ANKRD6: variants seen among roughly 807,000 people sequenced by gnomAD.
The protein encoded by ANKRD6 is ankyrin repeat domain-containing protein 6.
Under a neutral mutation model 82.3 loss-of-function variants are expected in ANKRD6, and 56 were observed. The ratio of observed to expected loss-of-function variants is 0.68; its 90% CI spans 0.55 to 0.85. The LOEUF (loss-of-function observed/expected upper bound fraction) is 0.85. Among genes scored for constraint, ANKRD6 ranks in the 40% least tolerant of loss-of-function variants. The pLI is 0.00. For synonymous variants in ANKRD6, 347 were observed against 352.1 expected, an observed-to-expected ratio of 0.99 and a Z score of 0.16; for missense variants, 852 against 907.6, an observed-to-expected ratio of 0.94 and a Z score of 0.79.
chr6:89,613,408 T>C (rs1800730382), intron 6 of ANKRD6, among the ~76,000 whole-genome samples: 1 of 152,158 alleles, frequency 6.6e-6, no homozygotes, highest in Non-Finnish European at 1.5e-5. Context: ...AAAGCAATGC[T>C]GTTGGTCTTA....
intron 1 of ANKRD6, among the ~76,000 whole-genome samples, chr6:89,512,270 G>A (rs549107101): frequency 3.9e-5 from 6 of 152,318 alleles, no homozygotes; most frequent in Non-Finnish European, 8.8e-5. Context: ...TAAACTTACA[G>A]CAACAGTCTT....
At chr6:89,576,892 C>T (rs949870681) in intron 2 of ANKRD6, among the ~76,000 whole-genome samples, 20 of 152,156 alleles carry the variant, frequency 1.3e-4, no homozygotes, top group African/African-American at 4.8e-4. Context: ...CGCCCTGTCT[C>T]CTGATCCCCA....
intron 1 of ANKRD6, among the ~76,000 whole-genome samples, chr6:89,447,147 G>T (rs1166422134): frequency 6.6e-6 from 1 of 152,080 alleles, no homozygotes; most frequent in African/African-American, 2.4e-5. Context: ...CTAGCTATTC[G>T]GGAAGGCTGA....
intron 3 of ANKRD6, among the ~76,000 whole-genome samples, chr6:89,599,987 G>A (rs561163609): frequency 4.9e-4 from 74 of 152,122 alleles, no homozygotes; most frequent in Non-Finnish European, 8.2e-4. Context: ...CTGGAAACAG[G>A]CAGGACAGCC....
rs936672787 is a variant in ANKRD6 at position 89,454,776 on chromosome 6, C to T, written c.-144+21401C>T. Among the ~76,000 whole-genome samples the T allele has an allele frequency of 5.9e-5, 9 of 152,080 alleles. No individual in the cohort carries two copies. The South Asian group carries it at 6.2e-4, about 11-fold the overall frequency. Reference sequence around the variant, plus strand: ...TCCCTGTATTTTTTTTATAGTTCTACGAACCAAATGTACATTTTTAGATAA... The same window carrying T: ...TCCCTGTATTTTTTTTATAGTTCTATGAACCAAATGTACATTTTTAGATAA... On this transcript the variant is annotated intron_variant, in intron 1 of 15. Transcript: ENST00000339746.
In ANKRD6 at chr6:89,471,661, C is replaced by A. The variant is rs115186568; in HGVS notation, c.-144+38286C>A. Among the ~76,000 whole-genome samples the A allele has an allele frequency of 4.0e-3, 610 of 151,828 alleles. 4 individuals are homozygous for A. The highest frequency in any genetic ancestry group is 0.014 in the African/African-American group (580 of 41,412). ...TGTGTGTGTTTTACTGAAAGCTGAG[C>A]AAAGTTAAGGAGAAAGGATTCACAT... On this transcript the variant is annotated intron_variant, in intron 1 of 15. Coordinates refer to ENST00000339746, the MANE Select transcript of ANKRD6 (RefSeq NM_001242809.2).
At chr6:89,608,304 TA>T (rs1288256999) in intron 5 of ANKRD6, among the ~76,000 whole-genome samples, 1 of 150,564 alleles carries the variant, frequency 6.6e-6, no homozygotes, top group East Asian at 1.9e-4. Flanking sequence ...AATGGGGTTC[TA>T]GGTGGCAGTA....
chr6:89,523,301 G>A (rs1782090994), intron 1 of ANKRD6, among the ~76,000 whole-genome samples: 1 of 152,174 alleles, frequency 6.6e-6, no homozygotes, highest in Non-Finnish European at 1.5e-5. Context: ...GGCCAGGGAT[G>A]GAGGGCCAGC....
At chr6:89,563,334 C>G (rs1347398381) in intron 1 of ANKRD6, among the ~76,000 whole-genome samples, 2 of 152,144 alleles carry the variant, frequency 1.3e-5, no homozygotes, top group Non-Finnish European at 2.9e-5. Flanking sequence ...CAAGCTAAAT[C>G]CCTATCTAGA....
At chr6:89,573,849 C>T (rs1249873838) in intron 2 of ANKRD6, among the ~76,000 whole-genome samples, 1 of 152,126 alleles carries the variant, frequency 6.6e-6, no homozygotes, top group African/African-American at 2.4e-5. Context: ...CCACTCTGCC[C>T]CTTGAAGGAC....
rs1807443542 is a variant in ANKRD6, at chr6:89,631,715, G to A, written c.*711G>A. 1.3e-5 allele frequency: 2 copies of A among 152,184 alleles called. No homozygotes were observed. Among genetic ancestry groups the A allele is most frequent in the East Asian group, 1.9e-4 (1 of 5,186 alleles). The allele number at this position is 152,184 out of a possible 1,614,324, so 9.4% of individuals were successfully genotyped here. A position where few individuals can be genotyped will look rare whatever the true frequency, so the allele number is the denominator to read the frequency against. Reference sequence around the variant, plus strand: ...TTGTTTGTTATTTTCTGTATTTTCAGTCAAAAAATCAGTTATATAGTGATT... The same window carrying A: ...TTGTTTGTTATTTTCTGTATTTTCAATCAAAAAATCAGTTATATAGTGATT... On this transcript the variant is annotated 3_prime_UTR_variant, in exon 16 of 16. Transcript: ENST00000339746.
chr6:89,512,212 T>C (rs1194885520), intron 1 of ANKRD6, among the ~76,000 whole-genome samples: 3 of 152,204 alleles, frequency 2.0e-5, no homozygotes, highest in Non-Finnish European at 2.9e-5. Flanking sequence ...ATAGATGGTA[T>C]AGAAAAGTAA....
intron 1 of ANKRD6, among the ~76,000 whole-genome samples, chr6:89,470,537 T>C (rs1775320438): frequency 6.6e-6 from 1 of 152,044 alleles, no homozygotes; most frequent in Non-Finnish European, 1.5e-5. Context: ...AAGAGGATTG[T>C]TTGCACCCCA....
At chr6:89,522,926 T>G (rs1782051307) in intron 1 of ANKRD6, among the ~76,000 whole-genome samples, 1 of 152,110 alleles carries the variant, frequency 6.6e-6, no homozygotes, top group African/African-American at 2.4e-5. Context: ...TCAATCCTCC[T>G]GAGACCCAGC....
intron 1 of ANKRD6, among the ~76,000 whole-genome samples, chr6:89,453,588 CT>C (rs1206339386): frequency 7.3e-5 from 11 of 149,850 alleles, no homozygotes; most frequent in African/African-American, 7.3e-5. Context: ...CCAACAATTC[CT>C]TTTTTTTTGA....
intron 2 of ANKRD6, among the ~76,000 whole-genome samples, chr6:89,570,425 A>G (rs905823441): frequency 1.3e-5 from 2 of 152,192 alleles, no homozygotes; most frequent in Non-Finnish European, 2.9e-5. Context: ...TACTACTTCA[A>G]CCATTTTTAA....
intron 1 of ANKRD6, among the ~76,000 whole-genome samples, chr6:89,449,450 A>G (rs1276217399): frequency 6.6e-6 from 1 of 152,230 alleles, no homozygotes; most frequent in Non-Finnish European, 1.5e-5. Context: ...CAGATACCAG[A>G]TGAAATCACT....
Position 89,606,070 on chromosome 6 carries a change from A to C in ANKRD6, c.382A>C (p.Ile128Leu). The change falls in exon 5 of 16, where the codon ATT becomes CTT. Residue 128 changes from isoleucine to leucine, a missense_variant. Coordinates refer to ENST00000339746, the MANE Select transcript of ANKRD6 (RefSeq NM_001242809.2). Reference protein sequence around the residue: ...HGFSQSAKLLIKAGANVLAKN... With the variant: ...HGFSQSAKLLLKAGANVLAKN... ...TTTCAGCCAGTCAGCCAAGCTGCTC[A>C]TTAAAGCAGGAGCCAACGTGCTTGC... 1 of 1,587,926 alleles carries C rather than the reference A, an allele frequency of 6.3e-7. No individual in the cohort carries two copies. The highest frequency in any genetic ancestry group is 1.3e-5 in the African/African-American group (1 of 74,520).
chr6:89,556,534 A>G (rs796448002), intron 1 of ANKRD6, among the ~76,000 whole-genome samples: 5 of 152,378 alleles, frequency 3.3e-5, no homozygotes, highest in African/African-American at 1.2e-4. Context: ...ATTTCCATAT[A>G]TAAGCTGAAA....
Sources: gnomAD v4.1 joint callset for allele counts (sites outside exome capture counted in the v4.1 genomes callset) on GRCh38, gnomAD v4.1.1 for gene constraint, MANE v1.5 for transcripts, NCBI Gene and HGNC (gene_info 2026-07-23, HGNC 2026-07-21) for gene names.